SMYD3: variants seen among roughly 807,000 people sequenced by gnomAD.
SMYD3 encodes the protein histone-lysine N-methyltransferase SMYD3.
In SMYD3, 36 loss-of-function variants were observed where a neutral mutation model predicts 57.7. That is an observed-to-expected ratio of 0.62 (90% CI 0.48 to 0.82). SMYD3 has a LOEUF of 0.82. Among genes scored for constraint, SMYD3 ranks in the 40% least tolerant of loss-of-function variants. The probability of loss-of-function intolerance (pLI) is 0.00; values close to 1 mark genes in which losing one functional copy is unlikely to be tolerated. For missense variants in SMYD3, 515 were observed against 538.8 expected (o/e 0.96, Z 0.44); for synonymous variants, 211 against 195.0 (o/e 1.08, Z -0.68).
chr1:246,467,075 T>C (rs1239640159), intron 1 of SMYD3, among the ~76,000 whole-genome samples: 1 of 149,228 alleles, frequency 6.7e-6, no homozygotes, highest in African/African-American at 2.5e-5. Context: ...GAGGCTGAGG[T>C]AGGAGAATCA....
chr1:246,162,895 G>C (rs949807185), intron 5 of SMYD3, among the ~76,000 whole-genome samples: 2 of 152,164 alleles, frequency 1.3e-5, no homozygotes, highest in African/African-American at 4.8e-5. Context: ...ATCCTAAGTG[G>C]CTTAGAGGCT....
Position 245,776,894 on chromosome 1 carries a change from G to A in SMYD3, c.1077-12745C>T, listed in dbSNP as rs148110448. 4.1e-4 allele frequency among the ~76,000 whole-genome samples: 62 copies of A among 152,320 alleles called. 2 individuals are homozygous for A. The East Asian group carries it at 6.9e-3, about 17-fold the overall frequency. ...AATAAGGTTTCGTTGGGACACAGCCGTGTCTATTCATTTACATATTGTCCA... is the reference window on the plus strand; with the variant it reads ...AATAAGGTTTCGTTGGGACACAGCCATGTCTATTCATTTACATATTGTCCA... On this transcript the variant is annotated intron_variant, in intron 10 of 11. Transcript: ENST00000490107.
rs538908491 is a variant in SMYD3 at position 245,927,525 on chromosome 1, GAA to G, written c.702+404_702+405del. On this transcript the variant is annotated intron_variant, in intron 7 of 11. Coordinates refer to ENST00000490107, the MANE Select transcript of SMYD3 (RefSeq NM_001167740.2). ...TGTAGCCAGTGGCCTTCCGAGTGAA[GAA>G]GTCTTGGGGATCCCACTCACAAGCT... 2.3e-4 allele frequency among the ~76,000 whole-genome samples: 35 copies of G among 152,312 alleles called. No individual in the cohort carries two copies. In the South Asian group the frequency reaches 7.0e-3, roughly 31 times the overall value.
intron 5 of SMYD3, among the ~76,000 whole-genome samples, chr1:246,148,016 C>T (rs972398607): frequency 2.0e-5 from 3 of 152,060 alleles, no homozygotes; most frequent in Non-Finnish European, 1.5e-5. Context: ...GGGCCGAGCC[C>T]GGGGCAGCAG....
intron 1 of SMYD3, among the ~76,000 whole-genome samples, chr1:246,503,522 G>A (rs2068488814): frequency 6.6e-6 from 1 of 152,080 alleles, no homozygotes; most frequent in African/African-American, 2.4e-5. Context: ...GGAGTGAGAA[G>A]GTTTACAAAT....
chr1:246,038,284 G>C (rs1348163731), intron 5 of SMYD3, among the ~76,000 whole-genome samples: 1 of 152,108 alleles, frequency 6.6e-6, no homozygotes, highest in Non-Finnish European at 1.5e-5. Context: ...AAAGCAAAGA[G>C]TTAGTAAAAC....
In SMYD3 at chr1:246,330,522, AAG is replaced by A. The variant is rs765860857; in HGVS notation, c.350_351del (p.Pro117LeufsTer11). The A allele has an allele frequency of 6.3e-7, 1 of 1,595,560 alleles. No homozygotes were observed. The stretch of plus-strand genomic sequence containing the variant: ...AATGAGTAAAGCTTCTCTGATTCTG[AAG>A]GTGCTCCATCCATCTGTGAAGGAAA... ...RVVFKLMDGAPSESEKLYSFY... is the reference protein window; with the variant it reads ...RVVFKLMDGAXSESEKLYSFY... On this transcript the variant is annotated frameshift_variant, in exon 4 of 12. Coordinates refer to ENST00000490107, the MANE Select transcript of SMYD3 (RefSeq NM_001167740.2). LOFTEE classifies it high-confidence loss of function.
chr1:246,069,519 T>A (rs766159638), intron 5 of SMYD3, among the ~76,000 whole-genome samples: 1 of 152,222 alleles, frequency 6.6e-6, no homozygotes, highest in Non-Finnish European at 1.5e-5. Flanking sequence ...TGCCAGAGAT[T>A]AAACATAAGT....
Position 246,443,141 on chromosome 1 carries a change from T to C in SMYD3, c.164+63913A>G, listed in dbSNP as rs557354666. ...ATTAAGTAACATTTTGGTTCACATA[T>C]ATACATGCCTAAGAAATTTTCCTCA... On this transcript the variant is annotated intron_variant, in intron 1 of 11. Transcript: ENST00000490107. Among the ~76,000 whole-genome samples, 127 of 152,360 alleles carry C rather than the reference T, an allele frequency of 8.3e-4. 1 individual carries two copies. The highest frequency in any genetic ancestry group is 1.4e-3 in the South Asian group (7 of 4,834).
chr1:246,179,898 C>T (rs1186224736), intron 5 of SMYD3, among the ~76,000 whole-genome samples: 1 of 152,062 alleles, frequency 6.6e-6, no homozygotes, highest in East Asian at 1.9e-4. Context: ...GTCTGGGGCC[C>T]ATGTTCACCC....
Position 245,924,296 on chromosome 1 carries a change from G to A in SMYD3, c.702+3635C>T, listed in dbSNP as rs554067870. ...TTACACATCTCTCTCTGTAGGAGGCGGCTGAATGAGGAGACAAAAATCCAA... is the reference window on the plus strand; with the variant it reads ...TTACACATCTCTCTCTGTAGGAGGCAGCTGAATGAGGAGACAAAAATCCAA... On this transcript the variant is annotated intron_variant, in intron 7 of 11. Transcript: ENST00000490107. 2.0e-5 allele frequency among the ~76,000 whole-genome samples: 3 copies of A among 152,140 alleles called. No individual in the cohort carries two copies. In the South Asian group the frequency reaches 6.3e-4, roughly 32 times the overall value.
At chr1:246,498,264 T>C (rs991548909) in intron 1 of SMYD3, among the ~76,000 whole-genome samples, 4 of 152,076 alleles carry the variant, frequency 2.6e-5, no homozygotes, top group African/African-American at 9.7e-5. Flanking sequence ...AATTGCAAAA[T>C]ACTGGAAATT....
At chr1:245,784,935 C>T (rs909832642) in intron 10 of SMYD3, among the ~76,000 whole-genome samples, 10 of 150,628 alleles carry the variant, frequency 6.6e-5, no homozygotes, top group Admixed American at 2.6e-4. Context: ...CTGCAACCTC[C>T]GCCTCCCGGG....
chr1:246,027,195 T>C (rs1319495519), intron 5 of SMYD3, among the ~76,000 whole-genome samples: 4 of 152,136 alleles, frequency 2.6e-5, no homozygotes, highest in African/African-American at 7.2e-5. Context: ...GGTTGGTTCA[T>C]GAGGTTTAAG....
At chr1:245,900,284 C>T (rs1427809414) in intron 8 of SMYD3, among the ~76,000 whole-genome samples, 1 of 152,168 alleles carries the variant, frequency 6.6e-6, no homozygotes, top group Non-Finnish European at 1.5e-5. Flanking sequence ...TTCCTAGCCT[C>T]TTCTATAGCT....
intron 1 of SMYD3, among the ~76,000 whole-genome samples, chr1:246,402,319 C>G (rs1411771248): frequency 9.5e-6 from 1 of 105,478 alleles, no homozygotes. Flanking sequence ...AAATGTGAGG[C>G]AAAACTGTTC....
intron 5 of SMYD3, among the ~76,000 whole-genome samples, chr1:246,185,516 C>G (rs2062622398): frequency 7.4e-6 from 1 of 134,582 alleles, no homozygotes; most frequent in African/African-American, 2.8e-5. Context: ...GTGTGGAGTG[C>G]AGTGGCGCGA....
chr1:246,426,471 A>G (rs1057065510), intron 1 of SMYD3, among the ~76,000 whole-genome samples: 1 of 152,036 alleles, frequency 6.6e-6, no homozygotes, highest in Admixed American at 6.5e-5. Flanking sequence ...GTCTATATAG[A>G]TTTGCCTGTT....
intron 5 of SMYD3, chr1:246,321,668 T>C (rs1275613900): frequency 6.6e-6 from 1 of 152,042 alleles, no homozygotes; most frequent in Non-Finnish European, 1.5e-5. Flanking sequence ...GATATATTTA[T>C]GCTTAGGAGT....
Sources: gnomAD v4.1 joint callset for allele counts (sites outside exome capture counted in the v4.1 genomes callset) on GRCh38, gnomAD v4.1.1 for gene constraint, MANE v1.5 for transcripts, NCBI Gene and HGNC (gene_info 2026-07-23, HGNC 2026-07-21) for gene names.